The following ACOT1 variants were observed in gnomAD, a reference collection of about 807,000 sequenced individuals.
ACOT1 encodes the protein acyl-coenzyme A thioesterase 1.
In ACOT1, 8 loss-of-function variants were observed where a neutral mutation model predicts 15.7. The ratio of observed to expected loss-of-function variants is 0.51; its 90% CI spans 0.30 to 0.92. The LOEUF (loss-of-function observed/expected upper bound fraction) is 0.92. Among genes scored for constraint, ACOT1 ranks in the 40% least tolerant of loss-of-function variants. ACOT1 has a pLI of 0.06. For synonymous variants in ACOT1, 67 were observed against 241.2 expected (o/e 0.28, Z 6.69); for missense variants, 151 against 539.4 (o/e 0.28, Z 7.13).
the ACOT1 span, chr14:73,519,196 A>G: frequency 6.0e-4 from 952 of 1,588,638 alleles, 18 homozygotes; most frequent in East Asian, 0.019. Flanking sequence ...TGAGTCCCCT[A>G]TAACCTCCCT....
rs576779343 is a variant in ACOT1, at chr14:73,542,428, G to A, written c.661-622G>A. Reference sequence around the variant, plus strand: ...CTTTTTTTTTTTTTTTTTTTAAGACGGAGTCTTGCCGTGTCAACGAGGCTG... The same window carrying A: ...CTTTTTTTTTTTTTTTTTTTAAGACAGAGTCTTGCCGTGTCAACGAGGCTG... On this transcript the variant is annotated intron_variant, in intron 2 of 2. Coordinates refer to ENST00000311148, the MANE Select transcript of ACOT1 (RefSeq NM_001037161.2). Among the ~76,000 whole-genome samples the A allele has an allele frequency of 1.5e-4, 14 of 93,064 alleles. 3 individuals carry two copies. In the South Asian group the frequency reaches 3.4e-3, roughly 23 times the overall value. The allele number at this position is 93,064 out of a possible 152,430, so 61.1% of individuals were successfully genotyped here. A position where few individuals can be genotyped will look rare whatever the true frequency, so the allele number is the denominator to read the frequency against.
At chr14:73,536,446 T>C (rs1415640210), upstream of ACOT1, among the ~76,000 whole-genome samples, 1 of 103,962 alleles carries the variant, frequency 9.6e-6, no homozygotes, top group African/African-American at 3.2e-5. Flanking sequence ...AGTTTGAGGC[T>C]TGTAAGTGCG....
chr14:73,496,501 G>T, the ACOT1 span: 8 of 719,236 alleles, frequency 1.1e-5, no homozygotes, highest in Non-Finnish European at 1.2e-5. Flanking sequence ...GTACTTCTAT[G>T]GTGGGAAAAA....
chr14:73,535,697 T>G (rs1363441813), upstream of ACOT1, among the ~76,000 whole-genome samples: 7 of 111,902 alleles, frequency 6.3e-5, 1 homozygote, highest in African/African-American at 2.0e-4. Context: ...GCCAGGATGG[T>G]GTCGATCTGC....
chr14:73,504,703 A>G, the ACOT1 span, among the ~76,000 whole-genome samples: 1 of 152,306 alleles, frequency 6.6e-6, no homozygotes, highest in African/African-American at 2.4e-5. Flanking sequence ...TCCCATATCA[A>G]AATGTCAGGG....
the ACOT1 span, chr14:73,509,551 T>G: frequency 6.7e-7 from 1 of 1,489,816 alleles, no homozygotes. Context: ...TACAGCCATG[T>G]GGTGGCCAAC....
the ACOT1 span, chr14:73,491,855 C>G: frequency 6.2e-7 from 1 of 1,610,082 alleles, no homozygotes; most frequent in Non-Finnish European, 8.5e-7. Context: ...CCCACCCGGC[C>G]GCGCGCTGCC....
chr14:73,502,768 C>T, the ACOT1 span: 7 of 715,092 alleles, frequency 9.8e-6, no homozygotes, highest in South Asian at 4.7e-5. Context: ...AGGATGGTCT[C>T]GATCTCCTGA....
chr14:73,523,557 T>C, the ACOT1 span, among the ~76,000 whole-genome samples: 1 of 152,248 alleles, frequency 6.6e-6, no homozygotes, highest in Non-Finnish European at 1.5e-5. Flanking sequence ...GTTCAGACTA[T>C]TCAGCATGGC....
At chr14:73,532,254 G>A (rs1394098599), upstream of ACOT1, among the ~76,000 whole-genome samples, 3 of 114,060 alleles carry the variant, frequency 2.6e-5, no homozygotes, top group African/African-American at 8.6e-5. Context: ...AATCTCCTTT[G>A]CCCACACAGT....
chr14:73,511,515 T>C, the ACOT1 span, among the ~76,000 whole-genome samples: 13 of 142,400 alleles, frequency 9.1e-5, no homozygotes, highest in African/African-American at 3.1e-4. Context: ...CAAGACTCTG[T>C]CTCAAAAATA....
chr14:73,508,387 C>T, the ACOT1 span: 1 of 998,124 alleles, frequency 1.0e-6, no homozygotes, highest in African/African-American at 1.6e-5. Flanking sequence ...TGCTACCCCA[C>T]CTGATATCTC....
chr14:73,519,892 T>A, the ACOT1 span: 1 of 151,932 alleles, frequency 6.6e-6, no homozygotes, highest in Admixed American at 6.6e-5. Context: ...GATGCGCGCC[T>A]ATAATCCCAG....
the ACOT1 span, among the ~76,000 whole-genome samples, chr14:73,502,046 A>ATTT: frequency 6.0e-5 from 8 of 133,946 alleles, no homozygotes; most frequent in Non-Finnish European, 1.3e-4. Flanking sequence ...CGCCCGGCCA[A>ATTT]TTTTTTTTTT....
the ACOT1 span, among the ~76,000 whole-genome samples, chr14:73,506,198 C>T: frequency 6.6e-6 from 1 of 152,090 alleles, no homozygotes; most frequent in East Asian, 1.9e-4. Flanking sequence ...CTACTATAAA[C>T]GTTTCTAAAC....
the ACOT1 span, among the ~76,000 whole-genome samples, chr14:73,500,373 C>T: frequency 6.6e-6 from 1 of 151,444 alleles, no homozygotes; most frequent in Non-Finnish European, 1.5e-5. Context: ...CCAGGGAAGC[C>T]AAAAGATTGG....
At chr14:73,524,156 G>A in the ACOT1 span, among the ~76,000 whole-genome samples, 81 of 151,610 alleles carry the variant, frequency 5.3e-4, 1 homozygote, top group Admixed American at 1.6e-3. Context: ...GCCAGGCGCG[G>A]TGGCATGTGC....
At chr14:73,522,760 G>T in the ACOT1 span, 1 of 1,614,206 alleles carries the variant, frequency 6.2e-7, no homozygotes, top group East Asian at 2.2e-5. Flanking sequence ...CCAGGGAGGT[G>T]TCTCCTGTTA....
chr14:73,522,249 A>G, the ACOT1 span: 1 of 1,601,064 alleles, frequency 6.2e-7, no homozygotes, highest in Non-Finnish European at 8.5e-7. Flanking sequence ...TCAAAGGTGC[A>G]CTTGAGGCCC....
Sources: allele counts gnomAD v4.1 joint callset (sites outside exome capture counted in the v4.1 genomes callset), GRCh38; gene constraint gnomAD v4.1.1; transcripts MANE v1.5; gene names NCBI Gene and HGNC (gene_info 2026-07-23, HGNC 2026-07-21).